The following CDH2 variants were observed in gnomAD, a reference collection of about 807,000 sequenced individuals.
The protein encoded by CDH2 is cadherin 2.
Under a neutral mutation model 92.0 loss-of-function variants are expected in CDH2, and 17 were observed. The observed-to-expected ratio is 0.18, with a 90% confidence interval of 0.13 to 0.28. The LOEUF is 0.28. Among genes scored for constraint, CDH2 ranks in the 10% least tolerant of loss-of-function variants. CDH2 has a pLI of 1.00. For missense variants in CDH2, 862 were observed against 1,133.1 expected, an observed-to-expected ratio of 0.76 and a Z score of 3.44; for synonymous variants, 419 against 415.9, an observed-to-expected ratio of 1.01 and a Z score of -0.09.
intron 2 of CDH2, among the ~76,000 whole-genome samples, chr18:28,134,864 T>C (rs973729082): frequency 1.3e-5 from 2 of 152,108 alleles, no homozygotes; most frequent in East Asian, 3.9e-4. Context: ...ACTAGCAACA[T>C]GGACTTTAAA....
chr18:28,147,658 C>T lies in CDH2; in HGVS notation c.172+15G>A. On this transcript the variant is annotated intron_variant, in intron 2 of 15. Coordinates refer to ENST00000269141, the MANE Select transcript of CDH2 (RefSeq NM_001792.5). ...ATGGACACTGCATGTACAAATATAT[C>T]TTTTGAGATAGTACCATTGAGAAGA... The T allele has an allele frequency of 6.7e-7, 1 of 1,487,966 alleles. No individual in the cohort carries two copies. The highest frequency in any genetic ancestry group is 1.2e-5 in the South Asian group (1 of 85,754). The allele number at this position is 1,487,966 out of a possible 1,614,324, so 92.2% of individuals were successfully genotyped here. A position where few individuals can be genotyped will look rare whatever the true frequency, so the allele number is the denominator to read the frequency against.
intron 2 of CDH2, among the ~76,000 whole-genome samples, chr18:28,063,894 T>C (rs775183477): frequency 6.6e-6 from 1 of 152,250 alleles, no homozygotes; most frequent in East Asian, 1.9e-4. Context: ...CTACTGTCTA[T>C]ATTCTGTAAT....
chr18:28,084,584 A>G (rs147073761), intron 2 of CDH2, among the ~76,000 whole-genome samples: 1 of 152,058 alleles, frequency 6.6e-6, no homozygotes, highest in African/African-American at 2.4e-5. Context: ...AATAAAAAAA[A>G]AAGGATACAC....
At chr18:28,129,607 T>G (rs2015732710) in intron 2 of CDH2, among the ~76,000 whole-genome samples, 1 of 152,128 alleles carries the variant, frequency 6.6e-6, no homozygotes. Context: ...GTGGGAGGAT[T>G]GCTCCAGGCC....
At chr18:28,103,748 G>A (rs561423302) in intron 2 of CDH2, among the ~76,000 whole-genome samples, 6 of 151,922 alleles carry the variant, frequency 3.9e-5, no homozygotes, top group Non-Finnish European at 5.9e-5. Context: ...GAGAACATGC[G>A]GTAGCTAGTT....
chr18:28,037,623 C>A (rs1291143262), intron 2 of CDH2, among the ~76,000 whole-genome samples: 1 of 152,120 alleles, frequency 6.6e-6, no homozygotes, highest in Non-Finnish European at 1.5e-5. Flanking sequence ...GGCAATGACA[C>A]CTCCAAGGGA....
intron 1 of CDH2, among the ~76,000 whole-genome samples, chr18:28,176,441 A>G (rs1357600653): frequency 6.6e-6 from 1 of 152,122 alleles, no homozygotes; most frequent in African/African-American, 2.4e-5. Flanking sequence ...AGACAATAGG[A>G]CAGTAGAGCC....
intron 5 of CDH2, among the ~76,000 whole-genome samples, chr18:28,007,886 C>T (rs2012986222): frequency 6.6e-6 from 1 of 152,092 alleles, no homozygotes; most frequent in South Asian, 2.1e-4. Context: ...TGCACCACTG[C>T]AGGCAGATAA....
At chr18:28,015,166 CACTG>C (rs1304520474) in intron 2 of CDH2, among the ~76,000 whole-genome samples, 1 of 152,132 alleles carries the variant, frequency 6.6e-6, no homozygotes, top group Admixed American at 6.6e-5. Flanking sequence ...AGAATAAATT[CACTG>C]AGACGTGCAC....
rs536945266 is a variant in CDH2 at position 28,051,042 on chromosome 18, C to T, written c.173-37133G>A. Among the ~76,000 whole-genome samples, 5 of 152,232 alleles carry T rather than the reference C, an allele frequency of 3.3e-5. No individual in the cohort carries two copies. The South Asian group carries it at 1.0e-3, about 32-fold the overall frequency. Reference sequence around the variant, plus strand: ...AAAGAAAATATTTAATTCTCTCAAACAATTTTTCCTTCTCAATTCTAATCC... The same window carrying T: ...AAAGAAAATATTTAATTCTCTCAAATAATTTTTCCTTCTCAATTCTAATCC... On this transcript the variant is annotated intron_variant, in intron 2 of 15. Coordinates refer to ENST00000269141, the MANE Select transcript of CDH2 (RefSeq NM_001792.5).
At chr18:27,973,201 T>C (rs536895680) in intron 14 of CDH2, among the ~76,000 whole-genome samples, 201 of 150,200 alleles carry the variant, frequency 1.3e-3, no homozygotes, top group African/African-American at 4.6e-3. Context: ...ACATCAATAT[T>C]GAAACTAATT....
At chr18:28,126,849 T>C (rs1246068321) in intron 2 of CDH2, among the ~76,000 whole-genome samples, 2 of 152,154 alleles carry the variant, frequency 1.3e-5, no homozygotes, top group African/African-American at 4.8e-5. Flanking sequence ...AGGGGACAAG[T>C]AGTCTCCAGA....
intron 5 of CDH2, among the ~76,000 whole-genome samples, chr18:28,008,870 T>C (rs1376193491): frequency 6.6e-6 from 1 of 152,176 alleles, no homozygotes; most frequent in Non-Finnish European, 1.5e-5. Flanking sequence ...ATGAAAGTTT[T>C]AGTGATTAAG....
At chr18:28,159,658 GTTT>G (rs775758310) in intron 1 of CDH2, among the ~76,000 whole-genome samples, 14 of 134,894 alleles carry the variant, frequency 1.0e-4, no homozygotes, top group African/African-American at 2.7e-5. Context: ...CAATTTTTTT[GTTT>G]TTTTTTTTTT....
At chr18:28,010,469 T>C (rs1026839562) in intron 4 of CDH2, among the ~76,000 whole-genome samples, 1 of 152,100 alleles carries the variant, frequency 6.6e-6, no homozygotes, top group Admixed American at 6.6e-5. Context: ...AAATATATTT[T>C]TATGCTCGCA....
chr18:28,029,068 T>C (rs2013628447), intron 2 of CDH2, among the ~76,000 whole-genome samples: 1 of 152,156 alleles, frequency 6.6e-6, no homozygotes, highest in African/African-American at 2.4e-5. Flanking sequence ...CTCAGTTCAC[T>C]ACTTTCCAAC....
At chr18:28,066,759 T>C (rs1231136115) in intron 2 of CDH2, among the ~76,000 whole-genome samples, 5 of 151,884 alleles carry the variant, frequency 3.3e-5, no homozygotes, top group South Asian at 2.1e-4. Flanking sequence ...AAAAAGGTTA[T>C]TGTCACAATT....
intron 4 of CDH2, 58 bp downstream of exon 4, chr18:28,011,788 T>C: frequency 6.6e-7 from 1 of 1,516,236 alleles, no homozygotes; most frequent in Non-Finnish European, 9.0e-7. Context: ...TAGACAGAAA[T>C]ATTTTTAACA....
At chr18:28,078,278 G>A (rs642680) in intron 2 of CDH2, among the ~76,000 whole-genome samples, 4,216 of 152,092 alleles carry the variant, frequency 0.028, 169 homozygotes, top group African/African-American at 0.091. Flanking sequence ...TTGACCTCCT[G>A]GAACTGTGCA....
Sources: allele counts gnomAD v4.1 joint callset (sites outside exome capture counted in the v4.1 genomes callset), GRCh38; gene constraint gnomAD v4.1.1; transcripts MANE v1.5; gene names NCBI Gene and HGNC (gene_info 2026-07-23, HGNC 2026-07-21).